The following PDE4D variants were observed in gnomAD, a reference collection of about 807,000 sequenced individuals.
The protein encoded by PDE4D is phosphodiesterase 4D.
PDE4D carries 24 observed loss-of-function variants against 87.4 expected under a neutral mutation model. That is an observed-to-expected ratio of 0.27 (90% CI 0.20 to 0.39). The LOEUF (loss-of-function observed/expected upper bound fraction) is 0.39. Among genes scored for constraint, PDE4D ranks in the 10% least tolerant of loss-of-function variants. The pLI is 1.00. For synonymous variants in PDE4D, 384 were observed against 383.2 expected (o/e 1.00, Z -0.02); for missense variants, 714 against 1,041.0 (o/e 0.69, Z 4.32).
Position 59,337,323 on chromosome 5 carries a change from T to C in PDE4D, c.456-121355A>G, listed in dbSNP as rs1260312955. On this transcript the variant is annotated intron_variant, in intron 1 of 14. Transcript: ENST00000340635. ...GTATAAGTGAAAGGCATTCATAAGT[T>C]CCCCCCCCCCCACCTTTTTTTTTTT... is the stretch of plus-strand genomic sequence containing the variant. Among the ~76,000 whole-genome samples, 21 of 122,478 alleles carry C rather than the reference T, an allele frequency of 1.7e-4. 1 individual carries two copies. Among genetic ancestry groups the C allele is most frequent in the South Asian group, 9.2e-4 (3 of 3,276 alleles). The allele number at this position is 122,478 out of a possible 152,430, so 80.4% of individuals were successfully genotyped here.
chr5:60,070,460 T>C (rs981697670), intron 2 of PDE4D, among the ~76,000 whole-genome samples: 1 of 152,016 alleles, frequency 6.6e-6, no homozygotes, highest in African/African-American at 2.4e-5. Flanking sequence ...GATGATCACA[T>C]GTTTTTATGC....
intron 5 of PDE4D, among the ~76,000 whole-genome samples, chr5:59,056,919 T>A (rs1461738825): frequency 6.6e-6 from 1 of 152,190 alleles, no homozygotes; most frequent in Admixed American, 6.5e-5. Flanking sequence ...CCCAGCACTT[T>A]GAGAATTCCG....
intron 1 of PDE4D, among the ~76,000 whole-genome samples, chr5:59,420,831 C>T (rs142072405): frequency 3.4e-4 from 52 of 151,998 alleles, no homozygotes; most frequent in African/African-American, 1.1e-3. Context: ...CATCGGATAC[C>T]GGCATACATT....
chr5:60,016,531 A>G (rs1326501381), intron 2 of PDE4D, among the ~76,000 whole-genome samples: 1 of 152,184 alleles, frequency 6.6e-6, no homozygotes, highest in Non-Finnish European at 1.5e-5. Context: ...TTTTTCCCTC[A>G]GTATATCTTC....
intron 6 of PDE4D, among the ~76,000 whole-genome samples, chr5:59,005,572 A>G (rs1344414164): frequency 6.6e-6 from 1 of 152,216 alleles, no homozygotes; most frequent in Non-Finnish European, 1.5e-5. Context: ...AGAAATTTGA[A>G]TAGAGCCAGA....
At chr5:59,765,928 T>C (rs1257826353) in intron 1 of PDE4D, among the ~76,000 whole-genome samples, 1 of 152,194 alleles carries the variant, frequency 6.6e-6, no homozygotes, top group Non-Finnish European at 1.5e-5. Context: ...CTCAACTTTG[T>C]AATAATTAGG....
chr5:59,024,966 G>A (rs1755932690), intron 6 of PDE4D, among the ~76,000 whole-genome samples: 1 of 151,920 alleles, frequency 6.6e-6, no homozygotes, highest in African/African-American at 2.4e-5. Context: ...TAACAAGGGA[G>A]GGGACTAGTC....
chr5:60,352,592 TG>T (rs1759296376), intron 1 of PDE4D, among the ~76,000 whole-genome samples: 1 of 152,214 alleles, frequency 6.6e-6, no homozygotes, highest in Admixed American at 6.5e-5. Flanking sequence ...GCTAGAATAT[TG>T]GTATTTTCAA....
intron 1 of PDE4D, among the ~76,000 whole-genome samples, chr5:60,469,544 T>A (rs1456944307): frequency 6.6e-6 from 1 of 152,220 alleles, no homozygotes; most frequent in African/African-American, 2.4e-5. Context: ...CTGTGTTTTG[T>A]TACACATCAC....
chr5:59,674,288 T>A (rs1339985385), intron 1 of PDE4D, among the ~76,000 whole-genome samples: 1 of 151,876 alleles, frequency 6.6e-6, no homozygotes, highest in Admixed American at 6.6e-5. Context: ...CCCAGCAGGG[T>A]TTTTCCAGTT....
At chr5:59,125,380 A>G in intron 5 of PDE4D, 1 of 613,384 alleles carries the variant, frequency 1.6e-6, no homozygotes, top group Non-Finnish European at 2.0e-6. Context: ...CCTCTTCCTT[A>G]AGCTTCCTCT....
intron 2 of PDE4D, chr5:60,022,601 A>T (rs1214093471): frequency 6.6e-6 from 1 of 152,174 alleles, no homozygotes; most frequent in African/African-American, 2.4e-5. Context: ...CTAAGATGTC[A>T]CATCCCTCAT....
intron 6 of PDE4D, among the ~76,000 whole-genome samples, chr5:58,998,887 A>C (rs1749829198): frequency 6.6e-6 from 1 of 152,190 alleles, no homozygotes; most frequent in African/African-American, 2.4e-5. Flanking sequence ...AAGCATGGAC[A>C]CAATCTTATT....
At chr5:59,440,509 G>A (rs550112398) in intron 1 of PDE4D, among the ~76,000 whole-genome samples, 1 of 152,292 alleles carries the variant, frequency 6.6e-6, no homozygotes, top group South Asian at 2.1e-4. Flanking sequence ...GGTCGCGGTG[G>A]CTCACACCTA....
At chr5:59,342,181 A>C (rs1778840855) in intron 1 of PDE4D, among the ~76,000 whole-genome samples, 1 of 152,184 alleles carries the variant, frequency 6.6e-6, no homozygotes, top group Non-Finnish European at 1.5e-5. Context: ...GCAATTCTCA[A>C]ATTATGATTT....
intron 1 of PDE4D, chr5:59,768,593 C>A: frequency 6.4e-7 from 1 of 1,562,030 alleles, no homozygotes; most frequent in South Asian, 1.2e-5. Flanking sequence ...TCCAGGGAAG[C>A]AGGTCTGAGC....
chr5:59,474,805 C>T (rs1289564854), intron 1 of PDE4D, among the ~76,000 whole-genome samples: 1 of 151,952 alleles, frequency 6.6e-6, no homozygotes, highest in Non-Finnish European at 1.5e-5. Context: ...TAACTGAAGT[C>T]ATAAAAAGTT....
intron 1 of PDE4D, among the ~76,000 whole-genome samples, chr5:59,462,971 A>G (rs1258807287): frequency 2.0e-5 from 3 of 151,974 alleles, no homozygotes; most frequent in Non-Finnish European, 4.4e-5. Context: ...ATACTGAGAG[A>G]CCCCTCTATT....
chr5:59,721,440 T>C (rs1021354744), intron 1 of PDE4D, among the ~76,000 whole-genome samples: 6 of 152,160 alleles, frequency 3.9e-5, no homozygotes, highest in Non-Finnish European at 7.3e-5. Context: ...AGCTAACATT[T>C]AATGAGTGCT....
Sources: allele counts gnomAD v4.1 joint callset (sites outside exome capture counted in the v4.1 genomes callset), GRCh38; gene constraint gnomAD v4.1.1; transcripts MANE v1.5; gene names NCBI Gene and HGNC (gene_info 2026-07-23, HGNC 2026-07-21).